Variants in PKD1L3 observed in about 807,000 individuals in gnomAD.
PKD1L3 encodes the protein polycystin-1-like protein 3.
Under a neutral mutation model 184.1 loss-of-function variants are expected in PKD1L3, and 239 were observed. The ratio of observed to expected loss-of-function variants is 1.30; its 90% CI spans 1.17 to 1.45. PKD1L3 has a LOEUF of 1.45. PKD1L3 is among the 40% of genes most tolerant of loss of function. The pLI, the probability that PKD1L3 is intolerant of heterozygous loss-of-function variation, is 0.00. For synonymous variants in PKD1L3, 996 were observed against 778.8 expected, an observed-to-expected ratio of 1.28 and a Z score of -4.64; for missense variants, 2,660 against 2,067.2, an observed-to-expected ratio of 1.29 and a Z score of -5.56.
At chr16:71,940,351 C>G (rs910068685) in intron 24 of PKD1L3, among the ~76,000 whole-genome samples, 2 of 152,060 alleles carry the variant, frequency 1.3e-5, no homozygotes, top group Non-Finnish European at 2.9e-5. Flanking sequence ...CTTCCCAGAT[C>G]CCTTCCCTCA....
chr16:71,952,793 G>T, intron 18 of PKD1L3, 101 bp downstream of exon 18: 1 of 1,249,980 alleles, frequency 8.0e-7, no homozygotes, highest in Non-Finnish European at 1.1e-6. Flanking sequence ...AGCCGAGGTT[G>T]CACCACTACA....
At chr16:71,932,361 G>A (rs544094249) in intron 28 of PKD1L3, among the ~76,000 whole-genome samples, 15 of 152,354 alleles carry the variant, frequency 9.8e-5, no homozygotes, top group African/African-American at 2.4e-4. Context: ...AGGGATTTCT[G>A]TTGGTAGTTC....
In PKD1L3 at chr16:71,973,504, C is replaced by G. The variant is rs189104342; in HGVS notation, c.1773G>C (p.Thr591=). 10 of 1,551,666 alleles carry G rather than the reference C, an allele frequency of 6.4e-6. No homozygotes were observed. In the South Asian group the frequency reaches 9.5e-5, roughly 15 times the overall value. Residue 591 remains threonine (T), a synonymous_variant, in exon 12 of 30, where the codon ACG becomes ACC. Coordinates refer to ENST00000620267, the MANE Select transcript of PKD1L3 (RefSeq NM_181536.2). ...GCAGATGCTCTGGATTCAGCACCCA[C>G]GTGTACTCCTCATCTTAGAACAAAG... ...DKVWQKDEEY[T]WVLNPEHLQH...
rs1166297216 is a variant in PKD1L3 at position 71,952,945 on chromosome 16, G to A, written c.2958C>T (p.Ser986=). 9.0e-6 allele frequency: 14 copies of A among 1,551,028 alleles called. No individual in the cohort carries two copies. The highest frequency in any genetic ancestry group is 1.2e-5 in the Non-Finnish European group (14 of 1,146,862). The change falls in exon 18 of 30, where the codon TCC becomes TCT. Residue 986 remains serine (S), a synonymous_variant. Transcript: ENST00000620267. Reference sequence around the variant, plus strand: ...GCTCAACAGAAGCATCTGAGAGGCAGGAGGCCTGGATGGGAGGAAAGAGGG... The same window carrying A: ...GCTCAACAGAAGCATCTGAGAGGCAAGAGGCCTGGATGGGAGGAAAGAGGG... ...TLPLFPPIQA[S]CLSDASVEPL...
chr16:71,963,540 G>T (rs144712027), intron 15 of PKD1L3, among the ~76,000 whole-genome samples, 189 bp from the exon 16 acceptor site: 1 of 152,352 alleles, frequency 6.6e-6, no homozygotes, highest in African/African-American at 2.4e-5. Flanking sequence ...CCAGCACTGC[G>T]TGAGGCTGAG....
chr16:71,948,381 C>T (rs904551985), intron 21 of PKD1L3, among the ~76,000 whole-genome samples: 3 of 152,114 alleles, frequency 2.0e-5, no homozygotes, highest in Non-Finnish European at 2.9e-5. Flanking sequence ...CCACAGCTGG[C>T]CTGGGATTTT....
At chr16:71,987,035 C>T (rs2040399026) in intron 4 of PKD1L3, among the ~76,000 whole-genome samples, 1 of 147,254 alleles carries the variant, frequency 6.8e-6, no homozygotes, top group African/African-American at 2.6e-5. Flanking sequence ...AGTGATTCTC[C>T]TGCCTCAGCC....
At chr16:71,968,566 A>G (rs1426298145) in intron 13 of PKD1L3, among the ~76,000 whole-genome samples, 1 of 152,182 alleles carries the variant, frequency 6.6e-6, no homozygotes. Flanking sequence ...GTTTTAAAAA[A>G]CATGCCATAT....
chr16:71,934,613 G>C (rs2038110432), intron 26 of PKD1L3, among the ~76,000 whole-genome samples: 1 of 152,206 alleles, frequency 6.6e-6, no homozygotes, highest in African/African-American at 2.4e-5. Flanking sequence ...CTAGAGGCGA[G>C]GGGTGTTGCT....
chr16:71,968,098 G>A (rs568430170), intron 13 of PKD1L3, 91 bp from the exon 14 acceptor site: 10 of 1,037,268 alleles, frequency 9.6e-6, no homozygotes, highest in African/African-American at 1.6e-5. Context: ...GATGAACTCC[G>A]GCAGGTGTCT....
chr16:71,965,034 G>A (rs189577551), intron 15 of PKD1L3, among the ~76,000 whole-genome samples: 1 of 151,794 alleles, frequency 6.6e-6, no homozygotes, highest in African/African-American at 2.4e-5. Flanking sequence ...TTTTTGTAGA[G>A]ACAGAATTTC....
intron 3 of PKD1L3, among the ~76,000 whole-genome samples, chr16:71,992,498 A>T (rs1325671822): frequency 2.6e-5 from 4 of 152,132 alleles, no homozygotes; most frequent in African/African-American, 4.8e-5. Context: ...TGCATTAATT[A>T]TCATCAGAAC....
intron 5 of PKD1L3, among the ~76,000 whole-genome samples, chr16:71,985,979 T>G (rs2040344956): frequency 6.6e-6 from 1 of 152,222 alleles, no homozygotes; most frequent in Non-Finnish European, 1.5e-5. Context: ...TGAACAGAAC[T>G]TCTTCCCCAT....
rs1567480860 is a variant in PKD1L3 at position 71,930,069 on chromosome 16, C to T, written c.5041G>A (p.Glu1681Lys). 1 of 1,549,284 alleles carries T rather than the reference C, an allele frequency of 6.5e-7. No homozygotes were observed. Among genetic ancestry groups the T allele is most frequent in the Non-Finnish European group, 8.7e-7 (1 of 1,146,188 alleles). The part of the protein sequence containing the change: ...VSAILMAFGK[E>K]RKSLKKEAAL... ...TTACCTACCTTAAGCGACTTTCTTT[C>T]TTTTCCAAAGGCCATGAGAATGGCC... The change falls in exon 29 of 30, where the codon GAA becomes AAA. Residue 1681 changes from glutamate (E) to lysine (K), a missense_variant. By Grantham distance (56) the Glu-to-Lys change is moderately conservative. Transcript: ENST00000620267.
At position 71,986,482 on chromosome 16, in the gene PKD1L3, A is replaced by G. The variant is rs749913362; in HGVS notation, c.586-13T>C. On this transcript the variant is annotated splice_polypyrimidine_tract_variant and intron_variant, in intron 4 of 29. Transcript: ENST00000620267. ...ACAGGGTCTTGGACTAAAAGATAAA[A>G]ATATGTAAAGGAAAAGACTGAATCT... The G allele has an allele frequency of 6.5e-7, 1 of 1,544,470 alleles. No homozygotes were observed. Among genetic ancestry groups the G allele is most frequent in the Middle Eastern group, 1.8e-4 (1 of 5,620 alleles).
chr16:71,954,211 T>C lies in PKD1L3; in HGVS notation c.2703A>G (p.Thr901=), dbSNP rs1417229828. The C allele has an allele frequency of 2.6e-6, 4 of 1,551,528 alleles. No homozygotes were observed. The highest frequency in any genetic ancestry group is 2.6e-6 in the Non-Finnish European group (3 of 1,146,792). The change falls in exon 17 of 30, where the codon ACA becomes ACG. Residue 901 remains threonine, a synonymous_variant. Transcript: ENST00000620267. ...IATRHPWNQF[T]RVQRLSCCMT... ...TGCAGCAAGACAGCCGTTGGACCCT[T>C]GTAAACTGGTTCCAGGGATGCCGAG... is the stretch of plus-strand genomic sequence containing the variant.
chr16:71,979,514 C>CA (rs1315390488), intron 9 of PKD1L3, among the ~76,000 whole-genome samples: 1 of 151,960 alleles, frequency 6.6e-6, no homozygotes, highest in Non-Finnish European at 1.5e-5. Flanking sequence ...AACACAACAA[C>CA]AAAAAACAAA....
chr16:71,999,243 C>A (rs1294522845), intron 1 of PKD1L3, among the ~76,000 whole-genome samples: 1 of 150,068 alleles, frequency 6.7e-6, no homozygotes, highest in Non-Finnish European at 1.5e-5. Context: ...TGCACTCCAG[C>A]CTGGGCGACA....
At chr16:71,969,416 C>G (rs2039625090) in intron 13 of PKD1L3, among the ~76,000 whole-genome samples, 1 of 151,696 alleles carries the variant, frequency 6.6e-6, no homozygotes, top group African/African-American at 2.4e-5. Context: ...AGCGATCTTC[C>G]CACCTCAGCT....
Sources: gnomAD v4.1 joint callset for allele counts (sites outside exome capture counted in the v4.1 genomes callset) on GRCh38, gnomAD v4.1.1 for gene constraint, MANE v1.5 for transcripts, NCBI Gene and HGNC (gene_info 2026-07-23, HGNC 2026-07-21) for gene names.